GPM6A: variants seen among roughly 807,000 people sequenced by gnomAD.
GPM6A encodes the protein neuronal membrane glycoprotein M6-a.
Under a neutral mutation model 32.1 loss-of-function variants are expected in GPM6A, and 7 were observed. The ratio of observed to expected loss-of-function variants is 0.22; its 90% CI spans 0.12 to 0.41. The LOEUF (loss-of-function observed/expected upper bound fraction) is 0.41, where lower values mean the gene tolerates loss of function less well. GPM6A is among the 10% of genes least tolerant of loss of function. The pLI, the probability that GPM6A is intolerant of heterozygous loss-of-function variation, is 1.00. For missense variants in GPM6A, 235 were observed against 347.2 expected (o/e 0.68, Z 2.57); for synonymous variants, 130 against 123.4 (o/e 1.05, Z -0.35).
At chr4:175,990,774 T>G (rs1233763229) in intron 1 of GPM6A, among the ~76,000 whole-genome samples, 1 of 152,070 alleles carries the variant, frequency 6.6e-6, no homozygotes, top group African/African-American at 2.4e-5. Context: ...TGACATTTCT[T>G]GAGTTGAGTA....
chr4:175,903,154 T>C (rs543339685), intron 1 of GPM6A, among the ~76,000 whole-genome samples: 1 of 152,168 alleles, frequency 6.6e-6, no homozygotes, highest in East Asian at 1.9e-4. Flanking sequence ...GAATCTCTTG[T>C]TGCAACAGAG....
chr4:175,729,122 T>A (rs1405830020), intron 1 of GPM6A, among the ~76,000 whole-genome samples: 3 of 152,240 alleles, frequency 2.0e-5, no homozygotes, highest in Non-Finnish European at 2.9e-5. Context: ...GTTTTCCTCA[T>A]CTATCAGATC....
chr4:175,904,478 A>G lies in GPM6A; in HGVS notation c.-22-92229T>C, dbSNP rs76686175. ...TATACACACACATACATGTTCATAA[A>G]CACATATAAAATGCACACATTTAAA... On this transcript the variant is annotated intron_variant, in intron 1 of 7. Coordinates refer to the GPM6A transcript ENST00000280187. Among the ~76,000 whole-genome samples, 58 of 152,270 alleles carry G rather than the reference A, an allele frequency of 3.8e-4. No homozygotes were observed. The East Asian group carries it at 9.5e-3, about 25-fold the overall frequency.
chr4:175,748,075 C>A (rs764124637), intron 1 of GPM6A, among the ~76,000 whole-genome samples: 28 of 152,142 alleles, frequency 1.8e-4, no homozygotes, highest in Admixed American at 3.3e-4. Flanking sequence ...CATCTTCAGG[C>A]TCCATTTCTG....
chr4:175,908,988 T>G (rs1051196461), intron 1 of GPM6A, among the ~76,000 whole-genome samples: 4 of 126,220 alleles, frequency 3.2e-5, no homozygotes, highest in African/African-American at 1.2e-4. Flanking sequence ...GGATGCTCCC[T>G]GTGTTATCCT....
intron 1 of GPM6A, among the ~76,000 whole-genome samples, chr4:175,808,439 C>T (rs1734786535): frequency 6.6e-6 from 1 of 152,060 alleles, no homozygotes; most frequent in African/African-American, 2.4e-5. Flanking sequence ...AACCTGTACC[C>T]TCTCCTTTCA....
At chr4:175,936,783 G>A (rs556845072) in intron 1 of GPM6A, among the ~76,000 whole-genome samples, 10 of 152,126 alleles carry the variant, frequency 6.6e-5, no homozygotes, top group South Asian at 4.1e-4. Context: ...GAGAAACTAC[G>A]TGGTAAATTG....
At chr4:175,814,213 T>C (rs1327669011), upstream of GPM6A, among the ~76,000 whole-genome samples, 1 of 152,212 alleles carries the variant, frequency 6.6e-6, no homozygotes, top group Non-Finnish European at 1.5e-5. Context: ...CACTTTACAA[T>C]CTATAAAACA....
intron 1 of GPM6A, among the ~76,000 whole-genome samples, chr4:175,928,127 C>T (rs1330145268): frequency 6.6e-6 from 1 of 152,128 alleles, no homozygotes; most frequent in Non-Finnish European, 1.5e-5. Flanking sequence ...TTTTCATACA[C>T]TTATACTTTC....
At chr4:175,650,298 ATTTATTTATTTATTTATTTAT>A (rs1341339139) in intron 4 of GPM6A, among the ~76,000 whole-genome samples, 9 of 80,250 alleles carry the variant, frequency 1.1e-4, no homozygotes, top group African/African-American at 4.3e-4. Flanking sequence ...TTATTTATTT[ATTTATTTATTTATTTATTTAT>A]TTTGAGATGG....
rs199787940 is a variant in GPM6A at position 175,985,812 on chromosome 4, A to AT, written c.-23+16496dup. Reference sequence around the variant, plus strand: ...ATATGTTTTCTTTCATTTATTTATAATTTTTTTTTCTGAGATGGAGTCTTG... The same window carrying AT: ...ATATGTTTTCTTTCATTTATTTATAATTTTTTTTTTCTGAGATGGAGTCTTG... On this transcript the variant is annotated intron_variant, in intron 1 of 7. Coordinates refer to the GPM6A transcript ENST00000280187. Among the ~76,000 whole-genome samples the AT allele has an allele frequency of 1.5e-3, 220 of 151,316 alleles. No homozygotes were observed. In the Middle Eastern group the frequency reaches 0.017, roughly 12 times the overall value.
At chr4:175,661,643 G>C (rs927423933) in intron 3 of GPM6A, among the ~76,000 whole-genome samples, 1 of 152,110 alleles carries the variant, frequency 6.6e-6, no homozygotes, top group African/African-American at 2.4e-5. Flanking sequence ...AGAAAGTTGC[G>C]CAAGACCAGA....
At chr4:175,886,079 T>C (rs181984094) in intron 1 of GPM6A, among the ~76,000 whole-genome samples, 239 of 152,246 alleles carry the variant, frequency 1.6e-3, no homozygotes, top group African/African-American at 5.4e-3. Flanking sequence ...TGAGAAAATG[T>C]AGAGGCTGAG....
intron 1 of GPM6A, among the ~76,000 whole-genome samples, chr4:175,749,777 G>A (rs1560912008): frequency 6.6e-6 from 1 of 152,098 alleles, no homozygotes; most frequent in South Asian, 2.1e-4. Flanking sequence ...GATAATCAGG[G>A]TGTGAGTTCC....
chr4:175,937,993 A>G lies in GPM6A; in HGVS notation c.-23+64316T>C, dbSNP rs183658698. Among the ~76,000 whole-genome samples the G allele has an allele frequency of 2.0e-5, 3 of 152,274 alleles. No homozygotes were observed. The East Asian group carries it at 5.8e-4, about 29-fold the overall frequency. ...CTAAAGTTGATAGTCAGTTATTTAT[A>G]TGGACGTGACCTCAAGTGAATGGAT... On this transcript the variant is annotated intron_variant, in intron 1 of 7. Coordinates refer to the GPM6A transcript ENST00000280187.
intron 1 of GPM6A, among the ~76,000 whole-genome samples, chr4:175,794,114 G>A (rs1380413376): frequency 6.6e-6 from 1 of 152,172 alleles, no homozygotes; most frequent in African/African-American, 2.4e-5. Context: ...ACAGGCCTAA[G>A]AAGCAACTTC....
Position 175,730,743 on chromosome 4 carries a change from A to G in GPM6A, c.38-28976T>C, listed in dbSNP as rs1192170689. ...CCCGCCTCGGCCTCCCAAAGTGCTG[A>G]GATTCCAGGTGTGAGCCACCGCTGC... is the stretch of plus-strand genomic sequence containing the variant. On this transcript the variant is annotated intron_variant, in intron 1 of 6. Coordinates refer to ENST00000393658, the MANE Select transcript of GPM6A (RefSeq NM_201591.3). Among the ~76,000 whole-genome samples the G allele has an allele frequency of 4.6e-5, 7 of 152,094 alleles. No homozygotes were observed. In the South Asian group the frequency reaches 6.2e-4, roughly 14 times the overall value.
chr4:175,717,104 C>T lies in GPM6A; in HGVS notation c.38-15337G>A, dbSNP rs150098830. Among the ~76,000 whole-genome samples, 892 of 151,720 alleles carry T rather than the reference C, an allele frequency of 5.9e-3. 9 individuals are homozygous for T. The highest frequency in any genetic ancestry group is 0.02 in the Middle Eastern group (6 of 294). On this transcript the variant is annotated intron_variant, in intron 1 of 6. Transcript: ENST00000393658. ...TCTACTCTAGGATGCTGTGTGTGAT[C>T]TCGCCAGCATCATTTCCCACTGCGG...
At chr4:175,712,923 A>C (rs1326433676) in intron 1 of GPM6A, among the ~76,000 whole-genome samples, 1 of 152,224 alleles carries the variant, frequency 6.6e-6, no homozygotes, top group East Asian at 1.9e-4. Flanking sequence ...GTAAGAAAAC[A>C]TCCAATATTG....
Sources: gnomAD v4.1 joint callset for allele counts (sites outside exome capture counted in the v4.1 genomes callset) on GRCh38, gnomAD v4.1.1 for gene constraint, MANE v1.5 for transcripts, NCBI Gene and HGNC (gene_info 2026-07-23, HGNC 2026-07-21) for gene names.